CACNB2: variants seen among roughly 807,000 people sequenced by gnomAD.
The protein encoded by CACNB2 is calcium voltage-gated channel auxiliary subunit beta 2.
A neutral mutation model predicts 73.3 loss-of-function variants in CACNB2; 42 were observed. The observed-to-expected ratio is 0.57, with a 90% CI of 0.45 to 0.74. The LOEUF is 0.74. Ranked by LOEUF, CACNB2 falls within the 30% of genes least tolerant of loss-of-function variation. The pLI is 0.00. For missense variants in CACNB2, 940 were observed against 853.0 expected (o/e 1.10, Z -1.27); for synonymous variants, 348 against 310.3 (o/e 1.12, Z -1.28).
chr10:18,331,882 T>C lies in CACNB2; in HGVS notation c.214-70042T>C, dbSNP rs1411894254. 4.6e-5 allele frequency among the ~76,000 whole-genome samples: 7 copies of C among 152,154 alleles called. No homozygotes were observed. The East Asian group carries it at 1.2e-3, about 25-fold the overall frequency. On this transcript the variant is annotated intron_variant, in intron 2 of 13. Transcript: ENST00000324631. Reference sequence around the variant, plus strand: ...CTAAAAGTACCAAGTATGTTCATGGTGGCAGCCATGCAGGAGTTGATTAGG... The same window carrying C: ...CTAAAAGTACCAAGTATGTTCATGGCGGCAGCCATGCAGGAGTTGATTAGG...
At chr10:18,213,335 T>C (rs2035392627) in intron 2 of CACNB2, among the ~76,000 whole-genome samples, 1 of 152,214 alleles carries the variant, frequency 6.6e-6, no homozygotes, top group Admixed American at 6.5e-5. Context: ...TTCTCATGCC[T>C]TTGATTTTTA....
intron 3 of CACNB2, among the ~76,000 whole-genome samples, chr10:18,448,496 A>G (rs142118807): frequency 0.094 from 13,969 of 148,586 alleles, 846 homozygotes; most frequent in Admixed American, 0.16. Flanking sequence ...AAAAAAAAAA[A>G]AAAAAGAAAA....
At chr10:18,525,386 C>T (rs1429057280) in intron 9 of CACNB2, among the ~76,000 whole-genome samples, 1 of 152,066 alleles carries the variant, frequency 6.6e-6, no homozygotes, top group African/African-American at 2.4e-5. Flanking sequence ...ACAAACCTTT[C>T]TGTTTAATTG....
chr10:18,253,719 C>T (rs936026810), intron 2 of CACNB2, among the ~76,000 whole-genome samples: 2 of 152,182 alleles, frequency 1.3e-5, no homozygotes, highest in Non-Finnish European at 2.9e-5. Context: ...ACTTCCTCCA[C>T]TCCCTGTAAT....
intron 9 of CACNB2, 107 bp from the exon 10 acceptor site, chr10:18,527,481 T>C (rs2133228552): frequency 1.3e-6 from 1 of 759,986 alleles, no homozygotes; most frequent in Non-Finnish European, 2.4e-6. Context: ...TTTGAAAATA[T>C]GGTTGCTATA....
At chr10:18,338,516 A>G (rs79917259) in intron 2 of CACNB2, among the ~76,000 whole-genome samples, 7,664 of 152,224 alleles carry the variant, frequency 0.05, 400 homozygotes, top group African/African-American at 0.13. Flanking sequence ...TTGTGTTTGT[A>G]GGGATTTACT....
At chr10:18,340,060 T>A (rs1037313436) in intron 2 of CACNB2, among the ~76,000 whole-genome samples, 1 of 152,232 alleles carries the variant, frequency 6.6e-6, no homozygotes, top group African/African-American at 2.4e-5. Flanking sequence ...TTTTATCTCC[T>A]ATGATTTATC....
chr10:18,148,183 T>C (rs2031182501), intron 1 of CACNB2, among the ~76,000 whole-genome samples: 1 of 152,216 alleles, frequency 6.6e-6, no homozygotes, highest in Admixed American at 6.5e-5. Context: ...ATATTTATTT[T>C]GTCTTTTAAT....
intron 2 of CACNB2, among the ~76,000 whole-genome samples, chr10:18,251,097 C>T (rs942179496): frequency 1.3e-5 from 2 of 152,198 alleles, no homozygotes; most frequent in East Asian, 1.9e-4. Context: ...AGAAACAACA[C>T]TCAGTGGGAT....
chr10:18,345,627 A>G (rs1404050002), intron 2 of CACNB2, among the ~76,000 whole-genome samples: 3 of 152,220 alleles, frequency 2.0e-5, no homozygotes, highest in African/African-American at 7.2e-5. Flanking sequence ...ATCCTTACAG[A>G]ATTAACTGTG....
At chr10:18,396,905 T>G (rs958124989) in intron 2 of CACNB2, among the ~76,000 whole-genome samples, 1 of 152,200 alleles carries the variant, frequency 6.6e-6, no homozygotes, top group East Asian at 1.9e-4. Context: ...TTGTCTAGAA[T>G]CAGACTGGCC....
At chr10:18,242,836 AAAAAAC>A (rs2036709472) in intron 2 of CACNB2, among the ~76,000 whole-genome samples, 2 of 151,144 alleles carry the variant, frequency 1.3e-5, no homozygotes, top group Admixed American at 6.6e-5. Flanking sequence ...TGCAAAAAAA[AAAAAAC>A]CAAAAAAACA....
chr10:18,471,190 C>T (rs1396550681), intron 3 of CACNB2, among the ~76,000 whole-genome samples: 2 of 152,076 alleles, frequency 1.3e-5, no homozygotes, highest in Non-Finnish European at 2.9e-5. Flanking sequence ...CCTGTAATCC[C>T]AGCTACTCGG....
At chr10:18,259,819 C>T (rs148439213) in intron 2 of CACNB2, among the ~76,000 whole-genome samples, 5 of 151,976 alleles carry the variant, frequency 3.3e-5, no homozygotes, top group African/African-American at 1.2e-4. Flanking sequence ...GGGAGGACTG[C>T]CTGAGCAAGG....
At chr10:18,495,591 G>GTA (rs1554830747) in intron 3 of CACNB2, among the ~76,000 whole-genome samples, 1,804 of 138,692 alleles carry the variant, frequency 0.013, 43 homozygotes, top group Admixed American at 0.051. Context: ...GTGTGTGTGT[G>GTA]TATAAGAGAT....
chr10:18,501,076 G>A (rs757582187), intron 5 of CACNB2, 128 bp downstream of exon 5: 43 of 939,606 alleles, frequency 4.6e-5, no homozygotes, highest in Admixed American at 6.3e-5. Flanking sequence ...TTTATTGATA[G>A]CATCACAAAT....
chr10:18,483,553 A>G (rs2048902390), intron 3 of CACNB2, among the ~76,000 whole-genome samples: 1 of 151,362 alleles, frequency 6.6e-6, no homozygotes, highest in South Asian at 2.1e-4. Flanking sequence ...AAAAGAAAAG[A>G]AAAAAGAAAC....
chr10:18,156,961 T>C (rs903231884), intron 2 of CACNB2, among the ~76,000 whole-genome samples: 5 of 151,796 alleles, frequency 3.3e-5, no homozygotes, highest in African/African-American at 7.3e-5. Context: ...GAGAATTGCT[T>C]GAACCCAGGA....
intron 3 of CACNB2, among the ~76,000 whole-genome samples, chr10:18,475,868 G>A (rs1358736993): frequency 1.3e-5 from 2 of 152,182 alleles, no homozygotes; most frequent in Admixed American, 6.5e-5. Flanking sequence ...CATAGCCAAT[G>A]TTGTGTTACT....
Sources: gnomAD v4.1 joint callset for allele counts (sites outside exome capture counted in the v4.1 genomes callset) on GRCh38, gnomAD v4.1.1 for gene constraint, MANE v1.5 for transcripts, NCBI Gene and HGNC (gene_info 2026-07-23, HGNC 2026-07-21) for gene names.